The following SYT9 variants were observed in gnomAD, a reference collection of about 807,000 sequenced individuals.
SYT9 encodes the protein synaptotagmin 9.
A neutral mutation model predicts 48.4 loss-of-function variants in SYT9; 22 were observed. That is an observed-to-expected ratio of 0.45 (90% confidence interval 0.32 to 0.65). The LOEUF is 0.65. Among genes scored for constraint, SYT9 ranks in the 30% least tolerant of loss-of-function variants. The probability of loss-of-function intolerance (pLI) is 0.03; values close to 1 mark genes in which losing one functional copy is unlikely to be tolerated. For missense variants in SYT9, 577 were observed against 622.0 expected, an observed-to-expected ratio of 0.93 and a Z score of 0.77; for synonymous variants, 265 against 245.0, an observed-to-expected ratio of 1.08 and a Z score of -0.76.
Position 7,418,439 on chromosome 11 carries a change from G to A in SYT9, c.1337+311G>A, listed in dbSNP as rs78791945. Among the ~76,000 whole-genome samples the A allele has an allele frequency of 2.4e-4, 36 of 152,236 alleles. No individual in the cohort carries two copies. The East Asian group carries it at 4.2e-3, about 18-fold the overall frequency. On this transcript the variant is annotated intron_variant, in intron 5 of 6. Coordinates refer to ENST00000318881, the MANE Select transcript of SYT9 (RefSeq NM_175733.4). The stretch of plus-strand genomic sequence containing the variant: ...TGCACAACTCCTAGAATCTCAGCTT[G>A]GAGAGCTGTGGCCCCACAGGTTTTA...
chr11:7,346,006 A>G (rs1163700695), intron 3 of SYT9, among the ~76,000 whole-genome samples: 1 of 152,238 alleles, frequency 6.6e-6, no homozygotes, highest in Non-Finnish European at 1.5e-5. Flanking sequence ...ACTCTGACTG[A>G]GAGAGTGACA....
At chr11:7,306,212 A>C (rs1589930844) in intron 2 of SYT9, among the ~76,000 whole-genome samples, 1 of 152,160 alleles carries the variant, frequency 6.6e-6, no homozygotes, top group African/African-American at 2.4e-5. Context: ...TCTCTACTCC[A>C]AATGTATGAA....
At chr11:7,242,813 A>G (rs1847752626) in intron 1 of SYT9, among the ~76,000 whole-genome samples, 1 of 152,128 alleles carries the variant, frequency 6.6e-6, no homozygotes, top group Non-Finnish European at 1.5e-5. Context: ...TTGGAGGCTA[A>G]GGCGTGAGAA....
At chr11:7,432,488 A>C (rs1254172840) in intron 6 of SYT9, among the ~76,000 whole-genome samples, 1 of 144,230 alleles carries the variant, frequency 6.9e-6, no homozygotes. Context: ...CAGAGGCTGC[A>C]GTGAGCTGAG....
chr11:7,286,768 C>T (rs1243426762), intron 1 of SYT9, among the ~76,000 whole-genome samples: 2 of 151,488 alleles, frequency 1.3e-5, no homozygotes, highest in Non-Finnish European at 2.9e-5. Flanking sequence ...CTGCCAGTCT[C>T]TTTGCATAGC....
intron 2 of SYT9, among the ~76,000 whole-genome samples, chr11:7,305,738 C>A (rs768725112): frequency 6.6e-6 from 1 of 152,192 alleles, no homozygotes; most frequent in Non-Finnish European, 1.5e-5. Context: ...CTTACTGCTT[C>A]CATCCTGCAG....
chr11:7,370,562 A>C (rs181043960), intron 3 of SYT9, among the ~76,000 whole-genome samples: 1 of 152,308 alleles, frequency 6.6e-6, no homozygotes, highest in East Asian at 1.9e-4. Flanking sequence ...GATATTTTAC[A>C]CCTAAAATAG....
intron 6 of SYT9, among the ~76,000 whole-genome samples, chr11:7,466,585 G>A (rs1848339028): frequency 6.6e-6 from 1 of 151,986 alleles, no homozygotes; most frequent in Non-Finnish European, 1.5e-5. Flanking sequence ...GCCAGGTGTG[G>A]CGGCGGGCAC....
intron 6 of SYT9, among the ~76,000 whole-genome samples, chr11:7,426,738 C>T (rs1433585329): frequency 1.3e-5 from 2 of 152,150 alleles, no homozygotes; most frequent in Non-Finnish European, 2.9e-5. Flanking sequence ...CAAAGGGTCT[C>T]TGCTTCCTCT....
rs71472647 is a variant in SYT9, at chr11:7,424,494, A to G, written c.1467+3859A>G. 2.0e-3 allele frequency among the ~76,000 whole-genome samples: 301 copies of G among 152,334 alleles called. 1 individual carries two copies. Among genetic ancestry groups the G allele is most frequent in the Non-Finnish European group, 2.8e-3 (193 of 68,036 alleles). On this transcript the variant is annotated intron_variant, in intron 6 of 6. Coordinates refer to ENST00000318881, the MANE Select transcript of SYT9 (RefSeq NM_175733.4). ...TGCCTCCTGTATGTCAAGATGACCA[A>G]CATCATAAGCCTCATGGAGAATAAT...
chr11:7,299,085 T>C (rs1212289169), intron 1 of SYT9, among the ~76,000 whole-genome samples: 1 of 152,244 alleles, frequency 6.6e-6, no homozygotes. Context: ...TAATGTCATA[T>C]ATTTTTCAAT....
At chr11:7,258,802 G>T (rs1042626916) in intron 1 of SYT9, among the ~76,000 whole-genome samples, 2 of 152,140 alleles carry the variant, frequency 1.3e-5, no homozygotes, top group African/African-American at 4.8e-5. Context: ...TTTCCTTTCA[G>T]CCGTGGTCCA....
intron 2 of SYT9, among the ~76,000 whole-genome samples, chr11:7,308,512 G>A (rs985409246): frequency 4.6e-5 from 7 of 152,220 alleles, no homozygotes; most frequent in African/African-American, 1.7e-4. Context: ...GGGCAGAAGA[G>A]CTGAAAGTCC....
chr11:7,434,411 G>T (rs2134124507), intron 6 of SYT9, among the ~76,000 whole-genome samples: 1 of 152,276 alleles, frequency 6.6e-6, no homozygotes, highest in East Asian at 1.9e-4. Context: ...ATTAGGGTGG[G>T]CTTCTGGTTT....
intron 3 of SYT9, among the ~76,000 whole-genome samples, chr11:7,388,478 A>T: frequency 6.6e-6 from 1 of 151,244 alleles, no homozygotes. Flanking sequence ...AAATATACTT[A>T]TTTTCTATTC....
At chr11:7,341,087 G>C (rs1258311552) in intron 3 of SYT9, among the ~76,000 whole-genome samples, 1 of 152,216 alleles carries the variant, frequency 6.6e-6, no homozygotes, top group Non-Finnish European at 1.5e-5. Context: ...CACCAGCAGA[G>C]GTGCTTGTAG....
At chr11:7,240,886 T>G (rs1847733205) in intron 1 of SYT9, among the ~76,000 whole-genome samples, 1 of 152,020 alleles carries the variant, frequency 6.6e-6, no homozygotes, top group African/African-American at 2.4e-5. Flanking sequence ...ACTTGATGGG[T>G]TTTCCTTCCT....
chr11:7,323,944 T>C (rs1008927339), intron 3 of SYT9, among the ~76,000 whole-genome samples: 4 of 151,964 alleles, frequency 2.6e-5, no homozygotes, highest in East Asian at 1.9e-4. Context: ...GCCTTAAAAA[T>C]GAGTTATGGC....
intron 1 of SYT9, among the ~76,000 whole-genome samples, chr11:7,278,702 T>C (rs1304546558): frequency 6.6e-6 from 1 of 152,214 alleles, no homozygotes; most frequent in Non-Finnish European, 1.5e-5. Context: ...TAGTTTTAAG[T>C]AGCAAGATTC....
Sources: gnomAD v4.1 joint callset for allele counts (sites outside exome capture counted in the v4.1 genomes callset) on GRCh38, gnomAD v4.1.1 for gene constraint, MANE v1.5 for transcripts, NCBI Gene and HGNC (gene_info 2026-07-23, HGNC 2026-07-21) for gene names.